AFAP1: variants seen among roughly 807,000 people sequenced by gnomAD.
AFAP1 encodes the protein actin filament-associated protein 1.
In AFAP1, 75 loss-of-function variants were observed where a neutral mutation model predicts 93.9. The observed-to-expected ratio is 0.80, with a 90% CI of 0.66 to 0.97. AFAP1 has a LOEUF of 0.97. AFAP1 is among the 50% of genes least tolerant of loss of function. The pLI, the probability that AFAP1 is intolerant of heterozygous loss-of-function variation, is 0.00. For synonymous variants in AFAP1, 517 were observed against 430.7 expected (o/e 1.20, Z -2.48); for missense variants, 1,201 against 1,050.8 (o/e 1.14, Z -1.98).
chr4:7,878,325 T>C (rs1221710533), intron 1 of AFAP1, among the ~76,000 whole-genome samples: 1 of 152,228 alleles, frequency 6.6e-6, no homozygotes, highest in Admixed American at 6.5e-5. Context: ...TCTTACCAGC[T>C]GTGCAGCAGG....
chr4:7,869,979 C>T (rs2149179574), intron 2 of AFAP1, among the ~76,000 whole-genome samples: 1 of 152,270 alleles, frequency 6.6e-6, no homozygotes, highest in African/African-American at 2.4e-5. Context: ...CTGGAGCTCA[C>T]TGGGCGGAGG....
intron 1 of AFAP1, among the ~76,000 whole-genome samples, chr4:7,928,430 C>G (rs1264004353): frequency 1.7e-4 from 26 of 152,176 alleles, no homozygotes; most frequent in Admixed American, 1.6e-3. Flanking sequence ...CTCTGTCGCC[C>G]AGGCTGGAGT....
At chr4:7,855,287 G>A (rs1714919765) in intron 4 of AFAP1, among the ~76,000 whole-genome samples, 179 bp downstream of exon 4, 1 of 152,210 alleles carries the variant, frequency 6.6e-6, no homozygotes. Context: ...TTGTGTGTGA[G>A]GCACTCGGTG....
intron 16 of AFAP1, chr4:7,772,268 A>G (rs1430503920): frequency 6.6e-6 from 1 of 152,474 alleles, no homozygotes; most frequent in Non-Finnish European, 1.5e-5. Context: ...CCAACTCACA[A>G]GACAGGAGAC....
rs190641648 is a variant in AFAP1, at chr4:7,906,408, A to G, written c.-3+33248T>C. ...AACGTATGAAATCATTCTTATCATT[A>G]ATAACAGCACTGCAAAATTAAGAGC... is the stretch of plus-strand genomic sequence containing the variant. On this transcript the variant is annotated intron_variant, in intron 1 of 17. Transcript: ENST00000420658. Among the ~76,000 whole-genome samples, 12 of 152,362 alleles carry G rather than the reference A, an allele frequency of 7.9e-5. No homozygotes were observed. The East Asian group carries it at 1.9e-3, about 24-fold the overall frequency.
intron 1 of AFAP1, among the ~76,000 whole-genome samples, chr4:7,890,016 A>AAT (rs1034217908): frequency 1.3e-5 from 2 of 150,690 alleles, no homozygotes; most frequent in African/African-American, 4.8e-5. Context: ...AAAAAAAAAA[A>AAT]AAAAAAAAGA....
chr4:7,809,444 G>A (rs1719818772), intron 9 of AFAP1, 170 bp downstream of exon 9: 1 of 746,142 alleles, frequency 1.3e-6, no homozygotes, highest in Admixed American at 3.7e-5. Flanking sequence ...ATGAATAAGA[G>A]GCAAAAATGT....
intron 1 of AFAP1, among the ~76,000 whole-genome samples, chr4:7,925,410 C>T (rs1720671098): frequency 6.6e-6 from 1 of 152,228 alleles, no homozygotes; most frequent in Admixed American, 6.5e-5. Flanking sequence ...CATCTTTCCA[C>T]TTTAGCAATT....
In AFAP1 at chr4:7,763,620, C is replaced by T; in HGVS notation, c.*145G>A. ...AAAGAATACAAGTGGGCCTGGGGGA[C>T]AGGCACTGGCCTCAGAGCTCAGTCG... On this transcript the variant is annotated 3_prime_UTR_variant, in exon 18 of 18. Coordinates refer to ENST00000420658, the MANE Select transcript of AFAP1 (RefSeq NM_001134647.2). The T allele has an allele frequency of 1.2e-6, 1 of 830,404 alleles. No individual in the cohort carries two copies. Among genetic ancestry groups the T allele is most frequent in the South Asian group, 2.0e-5 (1 of 49,090 alleles). 51.4% of individuals were successfully genotyped at this position (830,404 alleles called of 1,614,324 possible). A position where few individuals can be genotyped will look rare whatever the true frequency, so the allele number is the denominator to read the frequency against.
chr4:7,819,189 A>G lies in AFAP1; in HGVS notation c.727-18T>C, dbSNP rs766656138. 6.3e-7 allele frequency: 1 copy of G among 1,595,332 alleles called. No homozygotes were observed. Among genetic ancestry groups the G allele is most frequent in the Non-Finnish European group, 8.5e-7 (1 of 1,170,406 alleles). On this transcript the variant is annotated intron_variant, in intron 6 of 17. Coordinates refer to ENST00000420658, the MANE Select transcript of AFAP1 (RefSeq NM_001134647.2). ...TTGATCACCTATAAAAAGCACAGAC[A>G]CTTTGTGAGTATGCCCAAAGGCAGA... is the stretch of plus-strand genomic sequence containing the variant.
Position 7,793,176 on chromosome 4 carries a change from A to T in AFAP1, c.1412+505T>A, listed in dbSNP as rs1192201714. 5.9e-5 allele frequency among the ~76,000 whole-genome samples: 9 copies of T among 151,868 alleles called. No homozygotes were observed. The East Asian group carries it at 1.4e-3, about 23-fold the overall frequency. The stretch of plus-strand genomic sequence containing the variant: ...ATGACTGCAGCATTTTTTTTTTTAA[A>T]AAAATCACAATTTAAATTTACAAAG... On this transcript the variant is annotated intron_variant, in intron 11 of 17. Transcript: ENST00000420658.
intron 1 of AFAP1, among the ~76,000 whole-genome samples, chr4:7,913,578 A>C (rs528738233): frequency 6.6e-6 from 1 of 152,192 alleles, no homozygotes; most frequent in East Asian, 1.9e-4. Context: ...TACTGTTTAC[A>C]TAAGTATCAC....
chr4:7,922,015 C>T (rs1178442011), intron 1 of AFAP1, among the ~76,000 whole-genome samples: 1 of 152,012 alleles, frequency 6.6e-6, no homozygotes, highest in African/African-American at 2.4e-5. Flanking sequence ...CCCAGCTACT[C>T]GGGAGGCTGA....
At chr4:7,800,312 G>C in intron 10 of AFAP1, 130 bp downstream of exon 10, 2 of 909,206 alleles carry the variant, frequency 2.2e-6, no homozygotes, top group South Asian at 1.6e-5. Flanking sequence ...AGAGAAAAGA[G>C]GGTGGGCCCA....
chr4:7,876,655 C>A (rs1717529947), intron 1 of AFAP1, among the ~76,000 whole-genome samples: 1 of 152,202 alleles, frequency 6.6e-6, no homozygotes, highest in African/African-American at 2.4e-5. Flanking sequence ...CCGAGGCTTT[C>A]CCGGGCCTGT....
chr4:7,913,269 G>A (rs1719872906), intron 1 of AFAP1, among the ~76,000 whole-genome samples: 1 of 151,876 alleles, frequency 6.6e-6, no homozygotes, highest in Admixed American at 6.6e-5. Context: ...GCACACCTGT[G>A]GTCCCAGCTA....
At chr4:7,869,653 C>G (rs1468300693) in intron 2 of AFAP1, among the ~76,000 whole-genome samples, 1 of 152,090 alleles carries the variant, frequency 6.6e-6, no homozygotes, top group Non-Finnish European at 1.5e-5. Flanking sequence ...ATTTGTATGC[C>G]TAACACTCAT....
intron 11 of AFAP1, 117 bp downstream of exon 11, chr4:7,793,564 G>T: frequency 8.5e-7 from 1 of 1,172,230 alleles, no homozygotes; most frequent in Non-Finnish European, 1.1e-6. Flanking sequence ...ATGCAAAAGG[G>T]AAAGTCTTTA....
intron 5 of AFAP1, 182 bp downstream of exon 5, chr4:7,842,957 G>A (rs113313541): frequency 1.6e-4 from 97 of 618,102 alleles, no homozygotes; most frequent in African/African-American, 1.3e-3. Flanking sequence ...CAACACGGGC[G>A]AGTGCTCCCT....
Sources: allele counts gnomAD v4.1 joint callset (sites outside exome capture counted in the v4.1 genomes callset), GRCh38; gene constraint gnomAD v4.1.1; transcripts MANE v1.5; gene names NCBI Gene and HGNC (gene_info 2026-07-23, HGNC 2026-07-21).